The following MYBPC3 variants were observed in gnomAD, a reference collection of about 807,000 sequenced individuals.
MYBPC3 encodes myosin binding protein C3, also known as myosin-binding protein C, cardiac-type.
MYBPC3 carries 108 observed loss-of-function variants against 159.3 expected under a neutral mutation model. That is an observed-to-expected ratio of 0.68 (90% CI 0.58 to 0.80). MYBPC3 has a LOEUF of 0.80. Among genes scored for constraint, MYBPC3 ranks in the 30% least tolerant of loss-of-function variants. The pLI, the probability that MYBPC3 is intolerant of heterozygous loss-of-function variation, is 0.00. For synonymous variants in MYBPC3, 730 were observed against 702.0 expected (o/e 1.04, Z -0.63); for missense variants, 1,631 against 1,762.1 (o/e 0.93, Z 1.33).
chr11:47,342,041 A>G lies in MYBPC3; in HGVS notation c.1740T>C (p.Asn580=). 1.9e-6 allele frequency: 3 copies of G among 1,607,058 alleles called. No individual in the cohort carries two copies. The highest frequency in any genetic ancestry group is 2.5e-6 in the Non-Finnish European group (3 of 1,176,666). ...GGCTGTCGGGCACCAGCTCCTTCCC[A>G]TTCTTCAGCCACACACCCCGAACAT... ...DENVRGVWLK[N]GKELVPDSRI... is the part of the protein sequence containing the mutation. Residue 580 remains asparagine, a synonymous_variant, in exon 18 of 35, where the codon AAT becomes AAC. Transcript: ENST00000545968.
rs2095901053 is a variant in MYBPC3, at chr11:47,351,512, G to A, written c.26-7C>T. ...TTCTTGCTAAAAGCTGAGACTGAAGGGCCAGGTGGAGGCTACAGCGGCCCC... is the reference window on the plus strand; with the variant it reads ...TTCTTGCTAAAAGCTGAGACTGAAGAGCCAGGTGGAGGCTACAGCGGCCCC... On this transcript the variant is annotated splice_region_variant and splice_polypyrimidine_tract_variant and intron_variant, in intron 1 of 34. Coordinates refer to ENST00000545968, the MANE Select transcript of MYBPC3 (RefSeq NM_000256.3). This position sits in a 1 kb window ranked among gnomAD's most constrained non-coding sequence, Gnocchi z 4.2. 1.3e-6 allele frequency: 2 copies of A among 1,576,638 alleles called. No homozygotes were observed. The highest frequency in any genetic ancestry group is 1.7e-6 in the Non-Finnish European group (2 of 1,156,014).
chr11:47,342,948 G>A lies in MYBPC3; in HGVS notation c.1352-13C>T. 6.2e-7 allele frequency: 1 copy of A among 1,611,276 alleles called. No individual in the cohort carries two copies. ...AGCACAGGGGGCTCTGTCCAGGCAG[G>A]GTGAGCATGAGGGTTGGCTCCCCTG... On this transcript the variant is annotated splice_polypyrimidine_tract_variant and intron_variant, in intron 15 of 34. Coordinates refer to ENST00000545968, the MANE Select transcript of MYBPC3 (RefSeq NM_000256.3).
chr11:47,348,678 C>A lies in MYBPC3; in HGVS notation c.655-137G>T. On this transcript the variant is annotated intron_variant, in intron 5 of 34. Transcript: ENST00000545968. ...CCCCACTTTGGGAGGCTGAGGCGGG[C>A]GGATCACATAAGACCAGGAGCTCCA... is the stretch of plus-strand genomic sequence containing the variant. The A allele has an allele frequency of 5.0e-6, 3 of 596,470 alleles. No individual in the cohort carries two copies. The South Asian group carries it at 7.4e-5, about 15-fold the overall frequency. 36.9% of individuals were successfully genotyped at this position (596,470 alleles called of 1,614,324 possible).
Position 47,346,626 on chromosome 11 carries a change from C to T in MYBPC3, c.926+1G>A, listed in dbSNP as rs767239679. The T allele has an allele frequency of 8.2e-6, 13 of 1,591,768 alleles. No homozygotes were observed. The South Asian group carries it at 1.5e-4, about 18-fold the overall frequency. On this transcript the variant is annotated splice_donor_variant, in intron 11 of 34. Coordinates refer to ENST00000545968, the MANE Select transcript of MYBPC3 (RefSeq NM_000256.3). LOFTEE classifies it high-confidence loss of function. The surrounding 1 kb of genome is among the most constrained non-coding windows in gnomAD (Gnocchi z 5.3). ...GGTGCTGTGCTATGTTGGGCACTCA[C>T]CTCGGGGTCCGGAAACTGCTGCTCC...
rs528940575 is a variant in MYBPC3, at chr11:47,332,203, C to G, written c.3683G>C (p.Arg1228Pro). 2 of 1,613,850 alleles carry G rather than the reference C, an allele frequency of 1.2e-6. No homozygotes were observed. The highest frequency in any genetic ancestry group is 1.3e-5 in the African/African-American group (1 of 75,040). ...CAACACTCCCTGCTTGCTGAACATG[C>G]GGAAGCGGGCGTCTTCTCCCAGGTC... ...GLDLGEDARF[R>P]MFSKQGVLTL... The change falls in exon 33 of 35, where the codon CGC becomes CCC. Residue 1228 changes from arginine to proline, a missense_variant. By Grantham distance (103) the Arg-to-Pro change is moderately radical. Coordinates refer to ENST00000545968, the MANE Select transcript of MYBPC3 (RefSeq NM_000256.3). The surrounding 1 kb of genome is among the most constrained non-coding windows in gnomAD (Gnocchi z 4.2).
At chr11:47,334,930 C>G in intron 27 of MYBPC3, 112 bp downstream of exon 27, 1 of 1,243,306 alleles carries the variant, frequency 8.0e-7, no homozygotes, top group Non-Finnish European at 1.0e-6. Flanking sequence ...TGTCTCTGCC[C>G]AGCGTTCTGG....
At position 47,351,401 on chromosome 11, in the gene MYBPC3, G is replaced by A. The variant is rs557439091; in HGVS notation, c.130C>T (p.Arg44Cys). 8 of 1,609,432 alleles carry A rather than the reference G, an allele frequency of 5.0e-6. No homozygotes were observed. The highest frequency in any genetic ancestry group is 1.3e-5 in the African/African-American group (1 of 74,946). Reference sequence around the variant, plus strand: ...CTGGCGCTGATGTCACTGCCTCCGCGCTGCCAGCGCACCTTCACTCCTGCC... The same window carrying A: ...CTGGCGCTGATGTCACTGCCTCCGCACTGCCAGCGCACCTTCACTCCTGCC... ...ERAGVKVRWQRGGSDISASNK... is the reference protein window; with the variant it reads ...ERAGVKVRWQCGGSDISASNK... Residue 44 changes from arginine (R) to cysteine (C), a missense_variant, in exon 2 of 35, where the codon CGC becomes TGC. By Grantham distance (180) the Arg-to-Cys change is radical. Transcript: ENST00000545968. This position sits in a 1 kb window ranked among gnomAD's most constrained non-coding sequence, Gnocchi z 4.2.
Position 47,342,298 on chromosome 11 carries a change from G to C in MYBPC3, c.1625-142C>G, listed in dbSNP as rs993448652. On this transcript the variant is annotated intron_variant, in intron 17 of 34. Coordinates refer to ENST00000545968, the MANE Select transcript of MYBPC3 (RefSeq NM_000256.3). ...CATGTGAAAACACGTGTGCCTGTGT[G>C]TGCCATGTTTGCCTGTGATGGTGCA... 3 of 1,165,818 alleles carry C rather than the reference G, an allele frequency of 2.6e-6. No individual in the cohort carries two copies. In the Admixed American group the frequency reaches 7.9e-5, roughly 31 times the overall value. 72.2% of individuals were successfully genotyped at this position (1,165,818 alleles called of 1,614,324 possible). A position where few individuals can be genotyped will look rare whatever the true frequency, so the allele number is the denominator to read the frequency against.
intron 7 of MYBPC3, 83 bp from the exon 8 acceptor site, chr11:47,347,763 G>T (rs1032902517): frequency 5.2e-6 from 8 of 1,545,286 alleles, no homozygotes; most frequent in South Asian, 1.2e-5. Flanking sequence ...GCTCCGCCCC[G>T]CAAATCATCC....
chr11:47,347,879 G>C lies in MYBPC3; in HGVS notation c.799C>G (p.Leu267Val), dbSNP rs370941975. The change falls in exon 7 of 35, where the codon CTC becomes GTC. Residue 267 changes from leucine to valine, a missense_variant. Leu to Val is a conservative substitution (Grantham distance 32). Transcript: ENST00000545968. The part of the protein sequence containing the change: ...HEAMGTGDLD[L>V]LSAFRRTSLA... ...CACGTGCGGCGGAAGGCTGATAGGA[G>C]GTCCAGGTCTCCGGTGCCCATGGCC... 17 of 1,571,812 alleles carry C rather than the reference G, an allele frequency of 1.1e-5. No individual in the cohort carries two copies. In the African/African-American group the frequency reaches 1.9e-4, roughly 17 times the overall value.
chr11:47,334,046 G>C, intron 27 of MYBPC3, 36 bp from the exon 28 acceptor site: 1 of 1,539,482 alleles, frequency 6.5e-7, no homozygotes, highest in Non-Finnish European at 8.8e-7. Flanking sequence ...GTGAGGGCCC[G>C]CCACAGCTCT....
At chr11:47,344,935 C>T (rs965163566) in intron 12 of MYBPC3, among the ~76,000 whole-genome samples, 1 of 152,248 alleles carries the variant, frequency 6.6e-6, no homozygotes, top group South Asian at 2.1e-4. Context: ...GGATTACAGG[C>T]GCCTGCCACC....
At chr11:47,341,063 G>A (rs771033626) in intron 19 of MYBPC3, 31 bp from the exon 20 acceptor site, 26 of 1,574,130 alleles carry the variant, frequency 1.7e-5, no homozygotes, top group Non-Finnish European at 2.1e-5. Context: ...AGTAGCACGG[G>A]GGCAAAGGCA....
chr11:47,337,918 A>T, intron 23 of MYBPC3, 124 bp from the exon 24 acceptor site: 2 of 657,644 alleles, frequency 3.0e-6, no homozygotes, highest in Non-Finnish European at 5.1e-6. Context: ...AGATCCAAAG[A>T]GATCTTTCTA....
In MYBPC3 at chr11:47,346,353, G is replaced by A; in HGVS notation, c.944C>T (p.Ala315Val). The A allele has an allele frequency of 1.9e-6, 3 of 1,599,264 alleles. No individual in the cohort carries two copies. Among genetic ancestry groups the A allele is most frequent in the Non-Finnish European group, 2.6e-6 (3 of 1,171,726 alleles). Residue 315 changes from alanine to valine, a missense_variant, in exon 12 of 35, where the codon GCA (alanine) becomes GTA (valine). Transcript: ENST00000545968. The surrounding 1 kb of genome is among the most constrained non-coding windows in gnomAD (Gnocchi z 5.3). ...FRTPRDSKLEAPAEEDVWEIL... is the reference protein window; with the variant it reads ...FRTPRDSKLEVPAEEDVWEIL... ...CTCCCACACGTCCTCCTCTGCTGGTGCCTCCAGCTTCGAGTCCCTGTGTCC... is the reference window on the plus strand; with the variant it reads ...CTCCCACACGTCCTCCTCTGCTGGTACCTCCAGCTTCGAGTCCCTGTGTCC...
At chr11:47,343,168 T>A in intron 14 of MYBPC3, 23 bp from the exon 15 acceptor site, 1 of 1,605,960 alleles carries the variant, frequency 6.2e-7, no homozygotes, top group Non-Finnish European at 8.5e-7. Flanking sequence ...CGCAGGGAAG[T>A]GGCAGGAAAG....
rs1565630293 is a variant in MYBPC3 at position 47,348,449 on chromosome 11, GCAGT to G, written c.743_746del (p.Asp248AlafsTer51). On this transcript the variant is annotated frameshift_variant, in exon 6 of 35. Transcript: ENST00000545968. LOFTEE classifies it high-confidence loss of function. Reference sequence around the variant, plus strand: ...CGTGGACAGTGAGATTGAAGTTGGAGCAGTCAAATTTGTCCTTGGTGGACACCTC... The same window carrying G: ...CGTGGACAGTGAGATTGAAGTTGGAGCAAATTTGTCCTTGGTGGACACCTC... The G allele has an allele frequency of 1.9e-6, 3 of 1,612,948 alleles. No individual in the cohort carries two copies. Among genetic ancestry groups the G allele is most frequent in the Non-Finnish European group, 2.5e-6 (3 of 1,179,344 alleles).
intron 17 of MYBPC3, among the ~76,000 whole-genome samples, 166 bp from the exon 18 acceptor site, chr11:47,342,322 C>T (rs1478045214): frequency 2.0e-5 from 3 of 152,250 alleles, no homozygotes; most frequent in Non-Finnish European, 4.4e-5. Context: ...TGTGATGGTG[C>T]AGTGCACATA....
chr11:47,334,002 G>A lies in MYBPC3; in HGVS notation c.2914C>T (p.Arg972Trp), dbSNP rs193922382. The change falls in exon 28 of 35, where the codon CGG (arginine) becomes TGG (tryptophan). Residue 972 changes from arginine to tryptophan, a missense_variant. Physicochemically the swap from Arg to Trp is moderately radical, Grantham distance 101 (BLOSUM62 -3). Transcript: ENST00000545968. ...CGCAGGTGCCTGGGCAGCTGAAGCC[G>A]TGGCCGTTCTGTGGGTATAGAGTGG... ...VTVQEILQRP[R>W]LQLPRHLRQT... 1.8e-4 allele frequency: 277 copies of A among 1,576,500 alleles called. 1 individual carries two copies. In the African/African-American group the frequency reaches 3.1e-3, roughly 17 times the overall value.
Sources: allele counts gnomAD v4.1 joint callset (sites outside exome capture counted in the v4.1 genomes callset), GRCh38; gene constraint gnomAD v4.1.1; non-coding constraint Gnocchi (gnomAD v3.1); transcripts MANE v1.5; gene names NCBI Gene and HGNC (gene_info 2026-07-23, HGNC 2026-07-21).